CCSER1: variants seen among roughly 807,000 people sequenced by gnomAD.
The protein encoded by CCSER1 is serine-rich coiled-coil domain-containing protein 1.
CCSER1 carries 41 observed loss-of-function variants against 82.0 expected under a neutral mutation model. The observed-to-expected ratio is 0.50, with a 90% CI of 0.39 to 0.65. The LOEUF is 0.65. Ranked by LOEUF, CCSER1 falls within the 30% of genes least tolerant of loss-of-function variation. The pLI is 0.00. For missense variants in CCSER1, 1,119 were observed against 1,064.2 expected (o/e 1.05, Z -0.72); for synonymous variants, 414 against 383.9 (o/e 1.08, Z -0.92).
At chr4:90,524,874 T>C (rs1373059180) in intron 5 of CCSER1, among the ~76,000 whole-genome samples, 1 of 152,140 alleles carries the variant, frequency 6.6e-6, no homozygotes, top group African/African-American at 2.4e-5. Flanking sequence ...TCACCTTTTT[T>C]TCAATCAATC....
intron 10 of CCSER1, among the ~76,000 whole-genome samples, chr4:91,349,069 G>A (rs772547258): frequency 1.3e-4 from 20 of 151,886 alleles, no homozygotes; most frequent in South Asian, 4.1e-4. Flanking sequence ...CACCGTGCCC[G>A]GCTAACTTTC....
chr4:91,339,972 C>T (rs1166750893), intron 10 of CCSER1, among the ~76,000 whole-genome samples: 4 of 151,892 alleles, frequency 2.6e-5, no homozygotes, highest in South Asian at 4.2e-4. Context: ...CAAAAATTAG[C>T]CAGGAGTGGT....
At chr4:90,795,532 T>A (rs1040879745) in intron 7 of CCSER1, among the ~76,000 whole-genome samples, 1 of 152,174 alleles carries the variant, frequency 6.6e-6, no homozygotes, top group Admixed American at 6.5e-5. Context: ...CAATACTATG[T>A]TGAATAGGAG....
intron 9 of CCSER1, among the ~76,000 whole-genome samples, chr4:90,983,181 T>G (rs1024336981): frequency 6.7e-6 from 1 of 148,410 alleles, no homozygotes; most frequent in Non-Finnish European, 1.5e-5. Context: ...TTGAATCCCA[T>G]TTTTTTTTGT....
intron 9 of CCSER1, among the ~76,000 whole-genome samples, chr4:90,980,041 A>G (rs1469876080): frequency 1.3e-5 from 2 of 151,860 alleles, no homozygotes; most frequent in Non-Finnish European, 2.9e-5. Context: ...ACTAAATGCT[A>G]TAAAGTTTAG....
rs1721480810 is a variant in CCSER1, at chr4:91,071,936, T to C, written c.2173-14014T>C. Among the ~76,000 whole-genome samples the C allele has an allele frequency of 2.0e-5, 3 of 152,118 alleles. 1 individual carries two copies. Among genetic ancestry groups the C allele is most frequent in the Admixed American group, 1.3e-4 (2 of 15,262 alleles). The stretch of plus-strand genomic sequence containing the variant: ...TTTGACTTCCTATTTAAGGATTAGA[T>C]TACCAATCAGAATTGTTAGAAATAA... On this transcript the variant is annotated intron_variant, in intron 9 of 10. Coordinates refer to ENST00000509176, the MANE Select transcript of CCSER1 (RefSeq NM_001145065.2).
intron 9 of CCSER1, among the ~76,000 whole-genome samples, chr4:90,971,435 C>T (rs1002239844): frequency 6.6e-6 from 1 of 152,020 alleles, no homozygotes; most frequent in African/African-American, 2.4e-5. Flanking sequence ...CCAAGCCCCT[C>T]TTCCAACCTT....
At chr4:90,309,725 A>G in intron 2 of CCSER1, 117 bp downstream of exon 2, 1 of 761,350 alleles carries the variant, frequency 1.3e-6, no homozygotes, top group South Asian at 2.1e-5. Context: ...TTCACTTTCG[A>G]AATGGTTTCC....
chr4:90,601,776 A>G (rs529743823), intron 5 of CCSER1, among the ~76,000 whole-genome samples: 13 of 152,150 alleles, frequency 8.5e-5, no homozygotes, highest in African/African-American at 2.6e-4. Context: ...TTGGTATAAA[A>G]TACTTTTTAT....
chr4:90,492,917 C>A (rs1375394888), intron 5 of CCSER1, among the ~76,000 whole-genome samples: 1 of 151,984 alleles, frequency 6.6e-6, no homozygotes, highest in Non-Finnish European at 1.5e-5. Flanking sequence ...TTTACATTTG[C>A]TGAGGAGTGC....
rs34310013 is a variant in CCSER1, at chr4:90,569,818, T to C, written c.1725-58207T>C. Among the ~76,000 whole-genome samples the C allele has an allele frequency of 6.2e-3, 950 of 152,190 alleles. 9 individuals carry two copies. The highest frequency in any genetic ancestry group is 0.011 in the Non-Finnish European group (748 of 68,002). ...GGCCACCACTGCTGCAGGACTGAGG[T>C]GCATCTGATCCATCCACCCCCTTGC... On this transcript the variant is annotated intron_variant, in intron 5 of 10. Transcript: ENST00000509176.
chr4:90,172,566 A>G (rs1402271655), intron 1 of CCSER1, among the ~76,000 whole-genome samples: 1 of 151,882 alleles, frequency 6.6e-6, no homozygotes, highest in Non-Finnish European at 1.5e-5. Flanking sequence ...TCAGAAGTAT[A>G]GTATAATTAA....
At chr4:90,961,570 T>C (rs1190001775) in intron 9 of CCSER1, among the ~76,000 whole-genome samples, 1 of 152,132 alleles carries the variant, frequency 6.6e-6, no homozygotes, top group Non-Finnish European at 1.5e-5. Flanking sequence ...TAAAGTTTCA[T>C]TCATAAAGTA....
intron 10 of CCSER1, among the ~76,000 whole-genome samples, chr4:91,154,411 C>T (rs552396054): frequency 3.2e-4 from 48 of 152,158 alleles, no homozygotes; most frequent in Middle Eastern, 3.4e-3. Flanking sequence ...CCATTTGTTA[C>T]GGCTTCCCTT....
rs570116763 is a variant in CCSER1, at chr4:90,753,764, G to GTGAAACTGCTT, written c.2010+29775_2010+29785dup. 1.5e-4 allele frequency among the ~76,000 whole-genome samples: 23 copies of GTGAAACTGCTT among 152,212 alleles called. No homozygotes were observed. The East Asian group carries it at 4.1e-3, about 27-fold the overall frequency. Reference sequence around the variant, plus strand: ...CCTTCATATCAAACGCAAGATTAAAGTGAAACTGCTTTCTAAGGCCTTACA... The same window carrying GTGAAACTGCTT: ...CCTTCATATCAAACGCAAGATTAAAGTGAAACTGCTTTGAAACTGCTTTCTAAGGCCTTACA... On this transcript the variant is annotated intron_variant, in intron 7 of 10. Transcript: ENST00000509176.
intron 5 of CCSER1, among the ~76,000 whole-genome samples, chr4:90,566,294 G>A (rs942136575): frequency 1.3e-5 from 2 of 152,002 alleles, no homozygotes; most frequent in Non-Finnish European, 2.9e-5. Flanking sequence ...ATTAGAGTGA[G>A]ACTGGCTTTT....
intron 1 of CCSER1, among the ~76,000 whole-genome samples, chr4:90,263,484 A>G (rs1724699760): frequency 1.3e-5 from 2 of 152,224 alleles, no homozygotes; most frequent in Non-Finnish European, 2.9e-5. Flanking sequence ...AATGCTGGTT[A>G]TAATCATAGT....
At chr4:91,253,095 A>G in intron 10 of CCSER1, among the ~76,000 whole-genome samples, 1 of 151,936 alleles carries the variant, frequency 6.6e-6, no homozygotes, top group East Asian at 1.9e-4. Flanking sequence ...ACTTACATGC[A>G]GATTTTCTTC....
At chr4:90,730,450 A>G (rs1294262525) in intron 7 of CCSER1, among the ~76,000 whole-genome samples, 1 of 152,196 alleles carries the variant, frequency 6.6e-6, no homozygotes, top group Admixed American at 6.5e-5. Flanking sequence ...CAATTTGTCA[A>G]GTACCTACCA....
Sources: gnomAD v4.1 joint callset for allele counts (sites outside exome capture counted in the v4.1 genomes callset) on GRCh38, gnomAD v4.1.1 for gene constraint, MANE v1.5 for transcripts, NCBI Gene and HGNC (gene_info 2026-07-23, HGNC 2026-07-21) for gene names.